Variants in AGR2 observed in about 807,000 individuals in gnomAD.
AGR2 encodes the protein anterior gradient 2, protein disulphide isomerase family member.
Under a neutral mutation model 25.9 loss-of-function variants are expected in AGR2, and 27 were observed. The ratio of observed to expected loss-of-function variants is 1.04; its 90% confidence interval spans 0.77 to 1.44. AGR2 has a LOEUF of 1.44. Ranked by LOEUF, AGR2 falls within the 40% of genes most tolerant of loss-of-function variation. The pLI is 0.00. For synonymous variants in AGR2, 78 were observed against 72.0 expected (o/e 1.08, Z -0.42); for missense variants, 182 against 200.9 (o/e 0.91, Z 0.57).
At chr7:16,796,481 A>G (rs1181935180) in intron 6 of AGR2, among the ~76,000 whole-genome samples, 2 of 152,170 alleles carry the variant, frequency 1.3e-5, no homozygotes, top group East Asian at 3.9e-4. Context: ...AATGAATTAC[A>G]CAGGTGAATC....
intron 5 of AGR2, among the ~76,000 whole-genome samples, chr7:16,799,337 G>C (rs1351486110): frequency 6.6e-6 from 1 of 152,162 alleles, no homozygotes. Flanking sequence ...GGTGAAGTAA[G>C]GTGGGAATGC....
At chr7:16,797,609 T>C (rs370985107) in intron 6 of AGR2, 22 bp downstream of exon 6, 5 of 1,611,474 alleles carry the variant, frequency 3.1e-6, no homozygotes, top group East Asian at 2.2e-5. Flanking sequence ...TTCCGAGTTA[T>C]CTCACTGTCA....
intron 1 of AGR2, among the ~76,000 whole-genome samples, chr7:16,802,063 C>T (rs1302477729): frequency 1.3e-5 from 2 of 151,836 alleles, no homozygotes; most frequent in African/African-American, 4.8e-5. Flanking sequence ...AGAGTAGTCT[C>T]TCCTTTCCCA....
intron 1 of AGR2, among the ~76,000 whole-genome samples, chr7:16,803,789 T>C (rs1269486524): frequency 1.3e-5 from 2 of 152,202 alleles, no homozygotes; most frequent in Non-Finnish European, 2.9e-5. Flanking sequence ...TTTGTAATGT[T>C]AAAAAAATCA....
intron 1 of AGR2, among the ~76,000 whole-genome samples, chr7:16,802,908 C>T (rs1176654429): frequency 1.3e-5 from 2 of 152,162 alleles, no homozygotes; most frequent in Non-Finnish European, 2.9e-5. Context: ...TCGTGGCTCA[C>T]TGCAACCTCC....
chr7:16,801,491 G>C, intron 2 of AGR2, 108 bp from the exon 3 acceptor site: 1 of 1,338,106 alleles, frequency 7.5e-7, no homozygotes, highest in African/African-American at 1.5e-5. Flanking sequence ...TAAAGAAGAA[G>C]AAAAACCCCT....
Position 16,794,938 on chromosome 7 carries a change from A to C in AGR2, c.476T>G (p.Leu159Arg). Reference protein sequence around the residue: ...LYAYEPADTALLLDNMKKALK... With the variant: ...LYAYEPADTARLLDNMKKALK... ...TCCGAATTGAAGGTCACACTTACAC[A>C]GAGCTGTATCTGCAGGTTCGTAAGC... The change falls in exon 7 of 8, where the codon CTG (leucine) becomes CGG (arginine). Residue 159 changes from leucine (L) to arginine (R), a missense_variant and splice_region_variant. Physicochemically the swap from Leu to Arg is moderately radical, Grantham distance 102. Coordinates refer to ENST00000419304, the MANE Select transcript of AGR2 (RefSeq NM_006408.4). 6.2e-7 allele frequency: 1 copy of C among 1,614,224 alleles called. No individual in the cohort carries two copies.
At chr7:16,795,709 G>A (rs13242497) in intron 6 of AGR2, among the ~76,000 whole-genome samples, 110,990 of 152,064 alleles carry the variant, frequency 0.73, 40,706 homozygotes, top group Middle Eastern at 0.85. Flanking sequence ...AAAGGGAAGC[G>A]TGAGGATACA....
chr7:16,803,262 A>G (rs1785180320), intron 1 of AGR2: 1 of 152,144 alleles, frequency 6.6e-6, no homozygotes, highest in African/African-American at 2.4e-5. Context: ...GGAGGGAGCA[A>G]AGTGAGTTGC....
chr7:16,793,712 G>A (rs992414811), intron 7 of AGR2, among the ~76,000 whole-genome samples: 1 of 152,140 alleles, frequency 6.6e-6, no homozygotes, highest in Non-Finnish European at 1.5e-5. Context: ...AATGAAACAG[G>A]CAGAGAGAGG....
chr7:16,795,356 C>T (rs1785028146), intron 6 of AGR2, among the ~76,000 whole-genome samples: 1 of 148,744 alleles, frequency 6.7e-6, no homozygotes, highest in African/African-American at 2.5e-5. Flanking sequence ...ACATTCTCTA[C>T]TGCAAAATTA....
Position 16,801,641 on chromosome 7 carries a change from A to C in AGR2, c.139+17T>G, listed in dbSNP as rs199505514. ...AATTAAGTAGCAGTTGGAAGCCAAC[A>C]AGAAGCTGACTCCTACCTCTGGAGA... On this transcript the variant is annotated intron_variant, in intron 2 of 7. Transcript: ENST00000419304. The C allele has an allele frequency of 8.7e-6, 14 of 1,613,866 alleles. No homozygotes were observed. In the Admixed American group the frequency reaches 1.5e-4, roughly 17 times the overall value.
intron 7 of AGR2, among the ~76,000 whole-genome samples, chr7:16,793,794 C>T (rs1159882519): frequency 6.6e-6 from 1 of 152,198 alleles, no homozygotes; most frequent in East Asian, 1.9e-4. Context: ...AACTCTGGGT[C>T]ACTGTTTCTT....
Position 16,801,204 on chromosome 7 carries a change from C to G in AGR2, c.204-1G>C. On this transcript the variant is annotated splice_acceptor_variant, in intron 3 of 7. Coordinates refer to ENST00000419304, the MANE Select transcript of AGR2 (RefSeq NM_006408.4). LOFTEE classifies it high-confidence loss of function. ...ATGAATAATCATCAAGGGTTTGTTG[C>G]TTTAAAAGACAGAGATTAGACAAAT... The G allele has an allele frequency of 6.2e-7, 1 of 1,613,814 alleles. No homozygotes were observed.
At chr7:16,796,599 A>G (rs1009421356) in intron 6 of AGR2, among the ~76,000 whole-genome samples, 4 of 152,224 alleles carry the variant, frequency 2.6e-5, no homozygotes, top group African/African-American at 4.8e-5. Context: ...CAATAATTAA[A>G]CACATATTGA....
At chr7:16,795,690 G>A (rs183035825) in intron 6 of AGR2, among the ~76,000 whole-genome samples, 1 of 152,066 alleles carries the variant, frequency 6.6e-6, no homozygotes, top group Non-Finnish European at 1.5e-5. Context: ...TAAAATTAAG[G>A]TGCATCCAAA....
At chr7:16,799,114 C>T (rs1785096878) in intron 5 of AGR2, among the ~76,000 whole-genome samples, 1 of 151,960 alleles carries the variant, frequency 6.6e-6, no homozygotes, top group Non-Finnish European at 1.5e-5. Context: ...AGAGGAAGAG[C>T]CCATGGAAGA....
chr7:16,801,434 A>G (rs1287423294), intron 2 of AGR2, 51 bp from the exon 3 acceptor site: 1 of 1,552,028 alleles, frequency 6.4e-7, no homozygotes, highest in African/African-American at 1.4e-5. Context: ...TTCAGACCCA[A>G]AGCTGTTGAA....
intron 6 of AGR2, among the ~76,000 whole-genome samples, chr7:16,795,944 A>G (rs1785038076): frequency 6.6e-6 from 1 of 152,224 alleles, no homozygotes; most frequent in African/African-American, 2.4e-5. Context: ...GACCAACTAT[A>G]CTTCTGTTTG....
Sources: allele counts gnomAD v4.1 joint callset (sites outside exome capture counted in the v4.1 genomes callset), GRCh38; gene constraint gnomAD v4.1.1; transcripts MANE v1.5; gene names NCBI Gene and HGNC (gene_info 2026-07-23, HGNC 2026-07-21).